NEK6: variants seen among roughly 807,000 people sequenced by gnomAD.
NEK6 encodes serine/threonine-protein kinase Nek6.
NEK6 carries 27 observed loss-of-function variants against 43.5 expected under a neutral mutation model. That is an observed-to-expected ratio of 0.62 (90% CI 0.46 to 0.86). NEK6 has a LOEUF of 0.86. NEK6 is among the 40% of genes least tolerant of loss of function. The pLI, the probability that NEK6 is intolerant of heterozygous loss-of-function variation, is 0.00. For missense variants in NEK6, 318 were observed against 414.4 expected, an observed-to-expected ratio of 0.77 and a Z score of 2.02; for synonymous variants, 167 against 164.1, an observed-to-expected ratio of 1.02 and a Z score of -0.14.
In NEK6 at chr9:124,276,976, G is replaced by A. The variant is rs1831674554; in HGVS notation, c.-30+18891G>A. ...GGATGGCAACCCAGAAACCTTGAAG[G>A]TGGATAAGGAAGGGGAGATGGGGTC... On this transcript the variant is annotated intron_variant, in intron 1 of 9. Transcript: ENST00000320246. Among the ~76,000 whole-genome samples the A allele has an allele frequency of 4.6e-5, 7 of 152,340 alleles. No individual in the cohort carries two copies. The South Asian group carries it at 1.4e-3, about 32-fold the overall frequency.
At position 124,313,402 on chromosome 9, in the gene NEK6, G is replaced by GTC. The variant is rs1833643361; in HGVS notation, c.232-519_232-518dup. On this transcript the variant is annotated intron_variant, in intron 3 of 9. Coordinates refer to ENST00000320246, the MANE Select transcript of NEK6 (RefSeq NM_014397.6). ...GTTTTTTTTTTGAGATAGAGTCTCA[G>GTC]TCTATCACCCAGGCTGTAGTGCAGT... Among the ~76,000 whole-genome samples the GTC allele has an allele frequency of 2.0e-5, 3 of 151,970 alleles. No individual in the cohort carries two copies. In the South Asian group the frequency reaches 6.2e-4, roughly 32 times the overall value.
Position 124,258,079 on chromosome 9 carries a change from C to G in NEK6, c.-36C>G, listed in dbSNP as rs1830877836. 5.1e-6 allele frequency: 5 copies of G among 979,238 alleles called. No homozygotes were observed. Among genetic ancestry groups the G allele is most frequent in the Non-Finnish European group, 6.0e-6 (5 of 827,578 alleles). 60.7% of individuals were successfully genotyped at this position (979,238 alleles called of 1,614,324 possible). On this transcript the variant is annotated 5_prime_UTR_variant, in exon 1 of 10. Coordinates refer to ENST00000320246, the MANE Select transcript of NEK6 (RefSeq NM_014397.6). ...CCCCAGCGGCAGCCGAGCCCGCCCG[C>G]GCGCCGGTGAGTCGCCTGGGGCTGG...
At chr9:124,286,079 G>A (rs111389687) in intron 1 of NEK6, among the ~76,000 whole-genome samples, 4 of 151,854 alleles carry the variant, frequency 2.6e-5, no homozygotes, top group African/African-American at 9.7e-5. Flanking sequence ...CCCCCTCCCT[G>A]CCCTCCCCCG....
At chr9:124,347,023 G>C (rs72761447) in intron 8 of NEK6, among the ~76,000 whole-genome samples, 1 of 152,212 alleles carries the variant, frequency 6.6e-6, no homozygotes, top group East Asian at 1.9e-4. Flanking sequence ...AGCTGGGGTC[G>C]GGACAGAGCT....
At chr9:124,350,377 C>T (rs1830191142) in intron 9 of NEK6, among the ~76,000 whole-genome samples, 1 of 149,024 alleles carries the variant, frequency 6.7e-6, no homozygotes, top group African/African-American at 2.5e-5. Flanking sequence ...CTTTCATGAG[C>T]ACAATAAAGG....
intron 8 of NEK6, among the ~76,000 whole-genome samples, chr9:124,347,451 C>CT (rs1829996561): frequency 6.6e-6 from 1 of 152,214 alleles, no homozygotes; most frequent in Non-Finnish European, 1.5e-5. Flanking sequence ...TCCAGCTGCC[C>CT]TTCTTTATTG....
At chr9:124,259,783 T>C (rs1356322330) in intron 1 of NEK6, among the ~76,000 whole-genome samples, 2 of 152,244 alleles carry the variant, frequency 1.3e-5, no homozygotes, top group Non-Finnish European at 2.9e-5. Context: ...CAGCCTCTGC[T>C]GTCCCGTCTG....
intron 1 of NEK6, among the ~76,000 whole-genome samples, chr9:124,273,946 GC>G (rs932646213): frequency 6.6e-6 from 1 of 152,128 alleles, no homozygotes; most frequent in East Asian, 1.9e-4. Flanking sequence ...TCCCCACATG[GC>G]CCCCCCATTC....
intron 5 of NEK6, among the ~76,000 whole-genome samples, chr9:124,323,678 T>C (rs555777412): frequency 1.3e-5 from 2 of 152,178 alleles, no homozygotes; most frequent in African/African-American, 4.8e-5. Context: ...GGCAAATCCC[T>C]CTTCCCTGAA....
intron 1 of NEK6, among the ~76,000 whole-genome samples, chr9:124,270,312 C>G (rs1462526587): frequency 6.6e-6 from 1 of 152,124 alleles, no homozygotes; most frequent in Non-Finnish European, 1.5e-5. Flanking sequence ...ACCTGCAGGG[C>G]GGGGGCTGAG....
intron 4 of NEK6, among the ~76,000 whole-genome samples, chr9:124,316,786 C>T (rs1331300072): frequency 1.3e-5 from 2 of 152,180 alleles, no homozygotes; most frequent in Admixed American, 6.5e-5. Context: ...CCTTCCTTAA[C>T]CCCCTGCCCT....
intron 7 of NEK6, among the ~76,000 whole-genome samples, chr9:124,330,743 A>G (rs1289264146): frequency 2.6e-5 from 4 of 152,170 alleles, no homozygotes; most frequent in Admixed American, 6.5e-5. Context: ...GGGGACAGAC[A>G]CAGTCCATGC....
intron 5 of NEK6, among the ~76,000 whole-genome samples, chr9:124,322,604 C>T (rs939561886): frequency 6.6e-6 from 1 of 152,244 alleles, no homozygotes; most frequent in Non-Finnish European, 1.5e-5. Context: ...CTCCACTGCT[C>T]CTTAGTGGAG....
chr9:124,282,362 A>C (rs541748057), intron 1 of NEK6, among the ~76,000 whole-genome samples: 1 of 152,098 alleles, frequency 6.6e-6, no homozygotes, highest in African/African-American at 2.4e-5. Context: ...TCCATCCCTC[A>C]TAGAAAGACA....
At chr9:124,270,793 G>A (rs966257324) in intron 1 of NEK6, among the ~76,000 whole-genome samples, 1 of 152,214 alleles carries the variant, frequency 6.6e-6, no homozygotes, top group East Asian at 1.9e-4. Context: ...TGTGCTGCCA[G>A]CATGTGCTCC....
intron 1 of NEK6, among the ~76,000 whole-genome samples, chr9:124,280,014 G>C (rs1357349617): frequency 6.6e-6 from 1 of 152,254 alleles, no homozygotes; most frequent in African/African-American, 2.4e-5. Context: ...GGGAATGGAG[G>C]CCCACAGAGG....
intron 2 of NEK6, among the ~76,000 whole-genome samples, chr9:124,306,106 C>T (rs191244785): frequency 2.0e-5 from 3 of 152,182 alleles, no homozygotes; most frequent in East Asian, 1.9e-4. Context: ...GATGATGCCT[C>T]ATGGGGCTAC....
At chr9:124,311,411 G>C (rs1450161036) in intron 2 of NEK6, among the ~76,000 whole-genome samples, 1 of 152,148 alleles carries the variant, frequency 6.6e-6, no homozygotes, top group Non-Finnish European at 1.5e-5. Flanking sequence ...TCTCACCATA[G>C]GGCAGGCCAG....
At chr9:124,315,497 CACTA>C (rs1164420781) in intron 4 of NEK6, among the ~76,000 whole-genome samples, 3 of 152,324 alleles carry the variant, frequency 2.0e-5, no homozygotes, top group African/African-American at 4.8e-5. Context: ...GTGTCCTTAC[CACTA>C]ACTATTATAG....
Sources: allele counts gnomAD v4.1 joint callset (sites outside exome capture counted in the v4.1 genomes callset), GRCh38; gene constraint gnomAD v4.1.1; transcripts MANE v1.5; gene names NCBI Gene and HGNC (gene_info 2026-07-23, HGNC 2026-07-21).